The following COL7A1 variants were observed in gnomAD, a reference collection of about 807,000 sequenced individuals.
COL7A1 encodes the protein collagen alpha-1(VII) chain.
Under a neutral mutation model 456.2 loss-of-function variants are expected in COL7A1, and 296 were observed. That is an observed-to-expected ratio of 0.65 (90% confidence interval 0.59 to 0.71). The LOEUF (loss-of-function observed/expected upper bound fraction) is 0.71. COL7A1 is among the 30% of genes least tolerant of loss of function. The pLI is 0.00. For synonymous variants in COL7A1, 1,464 were observed against 1,525.9 expected, an observed-to-expected ratio of 0.96 and a Z score of 0.95; for missense variants, 3,441 against 4,017.2, an observed-to-expected ratio of 0.86 and a Z score of 3.88.
rs2043629759 is a variant in COL7A1, at chr3:48,566,861, G to A, written c.8226+46C>T. 1.9e-6 allele frequency: 3 copies of A among 1,573,332 alleles called. No individual in the cohort carries two copies. The highest frequency in any genetic ancestry group is 2.6e-6 in the Non-Finnish European group (3 of 1,151,952). ...TGGAAGATGGTTATGAGGTTGGAAGGGTAGGGAAGGTTCAGGGATCAGGAG... is the reference window on the plus strand; with the variant it reads ...TGGAAGATGGTTATGAGGTTGGAAGAGTAGGGAAGGTTCAGGGATCAGGAG... On this transcript the variant is annotated intron_variant, in intron 111 of 118. Transcript: ENST00000681320. The surrounding 1 kb of genome is among the most constrained non-coding windows in gnomAD (Gnocchi z 5.9).
rs755340663 is a variant in COL7A1, at chr3:48,595,101, C to T, written c.59G>A (p.Arg20Gln). 4 of 1,553,216 alleles carry T rather than the reference C, an allele frequency of 2.6e-6. No individual in the cohort carries two copies. The highest frequency in any genetic ancestry group is 3.5e-6 in the Non-Finnish European group (4 of 1,148,626). ...LCAGILAEAP[R>Q]VRAQHRERVT... Reference sequence around the variant, plus strand: ...TCTCTCCCTGTGCTGGGCTCGCACTCGGGGCGCCTCTGCCAGGATCCCGGC... The same window carrying T: ...TCTCTCCCTGTGCTGGGCTCGCACTTGGGGCGCCTCTGCCAGGATCCCGGC... Residue 20 changes from arginine to glutamine, a missense_variant, in exon 2 of 119, where the codon CGA becomes CAA. Physicochemically the swap from Arg to Gln is conservative, Grantham distance 43 (BLOSUM62 1). Coordinates refer to ENST00000681320, the MANE Select transcript of COL7A1 (RefSeq NM_000094.4).
chr3:48,567,610 C>T lies in COL7A1; in HGVS notation c.8010G>A (p.Ser2670=), dbSNP rs557077483. ...TCAGGCCCTCCTTGCCAGGGGCCCC[C>T]GACTGGCCCGGCACACCAGGCTCCC... is the stretch of plus-strand genomic sequence containing the variant. ...EMGEPGVPGQ[S]GAPGKEGLIG... The change falls in exon 109 of 119, where the codon TCG becomes TCA. Residue 2670 remains serine (S), a synonymous_variant. Coordinates refer to ENST00000681320, the MANE Select transcript of COL7A1 (RefSeq NM_000094.4). The surrounding 1 kb of genome is among the most constrained non-coding windows in gnomAD (Gnocchi z 4.3). 67 of 1,614,152 alleles carry T rather than the reference C, an allele frequency of 4.2e-5. No homozygotes were observed. Among genetic ancestry groups the T allele is most frequent in the Non-Finnish European group, 5.0e-5 (59 of 1,180,022 alleles).
rs1349423783 is a variant in COL7A1, at chr3:48,572,409, C to T, written c.6949G>A (p.Gly2317Ser). The T allele has an allele frequency of 1.2e-6, 2 of 1,614,146 alleles. No homozygotes were observed. The highest frequency in any genetic ancestry group is 4.5e-5 in the East Asian group (2 of 44,874). Residue 2317 changes from glycine to serine, a missense_variant, in exon 90 of 119, where the codon GGC becomes AGC. Gly to Ser is a moderately conservative substitution (Grantham distance 56). Coordinates refer to ENST00000681320, the MANE Select transcript of COL7A1 (RefSeq NM_000094.4). The surrounding 1 kb of genome is among the most constrained non-coding windows in gnomAD (Gnocchi z 4.6). ...TCACCCACCAGGTCTCCAGCAAGGC[C>T]TCCAGGGGCTCCCTGGTAAGGGGGA... ...GAKGEKGAPG[G>S]LAGDLVGEPG...
rs752668273 is a variant in COL7A1, at chr3:48,595,041, T to C, written c.85+34A>G. 7 of 1,517,562 alleles carry C rather than the reference T, an allele frequency of 4.6e-6. No individual in the cohort carries two copies. The South Asian group carries it at 8.4e-5, about 18-fold the overall frequency. The allele number at this position is 1,517,562 out of a possible 1,614,324, so 94.0% of individuals were successfully genotyped here. A position where few individuals can be genotyped will look rare whatever the true frequency, so the allele number is the denominator to read the frequency against. ...TGGAGCGGAGGGTGGCACGGTGCAGTGCCCCGGGCCGGGTCCTCCCTTGCG... is the reference window on the plus strand; with the variant it reads ...TGGAGCGGAGGGTGGCACGGTGCAGCGCCCCGGGCCGGGTCCTCCCTTGCG... On this transcript the variant is annotated intron_variant, in intron 2 of 118. Transcript: ENST00000681320.
Position 48,565,065 on chromosome 3 carries a change from T to G in COL7A1, c.8620+44A>C, listed in dbSNP as rs2043540522. On this transcript the variant is annotated intron_variant, in intron 117 of 118. Transcript: ENST00000681320. The surrounding 1 kb of genome is among the most constrained non-coding windows in gnomAD (Gnocchi z 4.5). The stretch of plus-strand genomic sequence containing the variant: ...GGGGGAGGTCAGCAGGGCTCAGCCC[T>G]GCCTGCCCCTCCCCAGACCCCGCTG... 3 of 1,586,618 alleles carry G rather than the reference T, an allele frequency of 1.9e-6. No homozygotes were observed. In the East Asian group the frequency reaches 6.8e-5, roughly 36 times the overall value.
At position 48,572,713 on chromosome 3, in the gene COL7A1, G is replaced by C. The variant is rs745766922; in HGVS notation, c.6858C>G (p.Val2286=). The change falls in exon 88 of 119, where the codon GTC becomes GTG. Residue 2286 remains valine (V), a synonymous_variant. Transcript: ENST00000681320. The surrounding 1 kb of genome is among the most constrained non-coding windows in gnomAD (Gnocchi z 4.6). Reference sequence around the variant, plus strand: ...TGGGGCCAGGTTCTCCTTTAGGTCCGACAGGGCCAGGCAGACCTGGTGACC... The same window carrying C: ...TGGGGCCAGGTTCTCCTTTAGGTCCCACAGGGCCAGGCAGACCTGGTGACC... The part of the protein sequence containing the change: ...VPGSPGLPGP[V]GPKGEPGPTG... 6.2e-7 allele frequency: 1 copy of C among 1,608,802 alleles called. No individual in the cohort carries two copies. Among genetic ancestry groups the C allele is most frequent in the Non-Finnish European group, 8.5e-7 (1 of 1,177,566 alleles).
In COL7A1 at chr3:48,565,262, G is replaced by A; in HGVS notation, c.8528-61C>T. 1.9e-6 allele frequency: 3 copies of A among 1,541,160 alleles called. No individual in the cohort carries two copies. In the South Asian group the frequency reaches 3.4e-5, roughly 18 times the overall value. On this transcript the variant is annotated intron_variant, in intron 116 of 118. Transcript: ENST00000681320. This position sits in a 1 kb window ranked among gnomAD's most constrained non-coding sequence, Gnocchi z 4.5. ...TGCTGGCCCCGGGGCAAGGTGGGCAGCACTGATTTCCACTGTGTGCACACA... is the reference window on the plus strand; with the variant it reads ...TGCTGGCCCCGGGGCAAGGTGGGCAACACTGATTTCCACTGTGTGCACACA...
At position 48,568,300 on chromosome 3, in the gene COL7A1, C is replaced by T; in HGVS notation, c.7795-130G>A. 2 of 1,179,676 alleles carry T rather than the reference C, an allele frequency of 1.7e-6. No homozygotes were observed. Among genetic ancestry groups the T allele is most frequent in the Non-Finnish European group, 2.5e-6 (2 of 804,008 alleles). 73.1% of individuals were successfully genotyped at this position (1,179,676 alleles called of 1,614,324 possible). ...TGGAGGCCAGAGCCACTGGGGCTTG[C>T]CATGGGGACAAGGGTCACCATAGGC... is the stretch of plus-strand genomic sequence containing the variant. On this transcript the variant is annotated intron_variant, in intron 105 of 118. Coordinates refer to ENST00000681320, the MANE Select transcript of COL7A1 (RefSeq NM_000094.4). The surrounding 1 kb of genome is among the most constrained non-coding windows in gnomAD (Gnocchi z 5.2).
At chr3:48,589,829 G>T (rs1559430269) in intron 16 of COL7A1, 111 bp from the exon 17 acceptor site, 1 of 1,496,826 alleles carries the variant, frequency 6.7e-7, no homozygotes. Flanking sequence ...TGATAGAGGA[G>T]ATGGTGAATA....
At position 48,574,439 on chromosome 3, in the gene COL7A1, T is replaced by C; in HGVS notation, c.6456+49A>G. 1.2e-6 allele frequency: 2 copies of C among 1,613,740 alleles called. No individual in the cohort carries two copies. Among genetic ancestry groups the C allele is most frequent in the Non-Finnish European group, 8.5e-7 (1 of 1,179,756 alleles). ...CCAGCCCTGCACACAGGACAATACA[T>C]GTGAGAGCCACCTTCTTGCACATGT... On this transcript the variant is annotated intron_variant, in intron 79 of 118. Coordinates refer to ENST00000681320, the MANE Select transcript of COL7A1 (RefSeq NM_000094.4). This position sits in a 1 kb window ranked among gnomAD's most constrained non-coding sequence, Gnocchi z 5.0.
intron 65 of COL7A1, 145 bp from the exon 66 acceptor site, chr3:48,577,172 C>T (rs1269745801): frequency 3.5e-6 from 4 of 1,158,024 alleles, no homozygotes; most frequent in African/African-American, 1.5e-5. Flanking sequence ...GGCCTGTGGC[C>T]GTCTGAGTGA....
rs147911102 is a variant in COL7A1 at position 48,564,917 on chromosome 3, C to G, written c.8684G>C (p.Arg2895Pro). The part of the protein sequence containing the change: ...CTAYTLRWYH[R>P]AVTGSTEACH... ...GGCCTCTGTGCTGCCTGTCACAGCC[C>G]GATGGTACCAGCGCAGGGTGTAGGC... The change falls in exon 118 of 119, where the codon CGG becomes CCG. Residue 2895 changes from arginine (R) to proline (P), a missense_variant. Coordinates refer to ENST00000681320, the MANE Select transcript of COL7A1 (RefSeq NM_000094.4). The surrounding 1 kb of genome is among the most constrained non-coding windows in gnomAD (Gnocchi z 6.0). 2 of 1,614,192 alleles carry G rather than the reference C, an allele frequency of 1.2e-6. No homozygotes were observed. The highest frequency in any genetic ancestry group is 1.7e-6 in the Non-Finnish European group (2 of 1,180,032).
At position 48,587,420 on chromosome 3, in the gene COL7A1, C is replaced by T. The variant is rs376268606; in HGVS notation, c.2992G>A (p.Glu998Lys). The change falls in exon 23 of 119, where the codon GAA becomes AAA. Residue 998 changes from glutamate to lysine, a missense_variant and splice_region_variant. This residue lies in a region of COL7A1 where 444 missense variants were observed against 427.6 expected (regional missense o/e 1.04). Coordinates refer to ENST00000681320, the MANE Select transcript of COL7A1 (RefSeq NM_000094.4). This position sits in a 1 kb window ranked among gnomAD's most constrained non-coding sequence, Gnocchi z 6.1. Reference protein sequence around the residue: ...SWRPLRGPGQEVPGSPQTLPG... With the variant: ...SWRPLRGPGQKVPGSPQTLPG... ...ACCCAAATCCTGGCCTCCCCCTCAC[C>T]CTGGCCAGGGCCTCTGAGTGGCCGC... The T allele has an allele frequency of 6.2e-7, 1 of 1,613,252 alleles. No homozygotes were observed. The highest frequency in any genetic ancestry group is 1.1e-5 in the South Asian group (1 of 91,086).
Position 48,585,179 on chromosome 3 carries a change from G to A in COL7A1, c.3895-63C>T. The A allele has an allele frequency of 6.5e-7, 1 of 1,545,152 alleles. No homozygotes were observed. The highest frequency in any genetic ancestry group is 8.9e-7 in the Non-Finnish European group (1 of 1,129,940). On this transcript the variant is annotated intron_variant, in intron 32 of 118. Transcript: ENST00000681320. The surrounding 1 kb of genome is among the most constrained non-coding windows in gnomAD (Gnocchi z 4.5). ...CCCCCAAGGCCCCTGGTTTGCTGGA[G>A]GGGCCTCACCCCATCAACAAGGGGT...
chr3:48,574,019 C>A lies in COL7A1; in HGVS notation c.6502-129G>T. 1 of 1,248,266 alleles carries A rather than the reference C, an allele frequency of 8.0e-7. No individual in the cohort carries two copies. The highest frequency in any genetic ancestry group is 1.5e-5 in the African/African-American group (1 of 67,042). The allele number at this position is 1,248,266 out of a possible 1,614,324, so 77.3% of individuals were successfully genotyped here. On this transcript the variant is annotated intron_variant, in intron 80 of 118. Coordinates refer to ENST00000681320, the MANE Select transcript of COL7A1 (RefSeq NM_000094.4). The surrounding 1 kb of genome is among the most constrained non-coding windows in gnomAD (Gnocchi z 5.0). ...TTTCCAGTCACAGATAATACCTACCCATGGACTGCCTCTCATAGATAGCAC... is the reference window on the plus strand; with the variant it reads ...TTTCCAGTCACAGATAATACCTACCAATGGACTGCCTCTCATAGATAGCAC...
At position 48,579,765 on chromosome 3, in the gene COL7A1, C is replaced by T; in HGVS notation, c.5154+20G>A. 6.2e-7 allele frequency: 1 copy of T among 1,614,076 alleles called. No homozygotes were observed. Among genetic ancestry groups the T allele is most frequent in the Non-Finnish European group, 8.5e-7 (1 of 1,180,026 alleles). On this transcript the variant is annotated intron_variant, in intron 58 of 118. Transcript: ENST00000681320. This position sits in a 1 kb window ranked among gnomAD's most constrained non-coding sequence, Gnocchi z 4.4. ...GGGGCACTGGGGTCTTTCTTACCCT[C>T]CACCCACAGACCCTAATACCTTCTC...
rs747313983 is a variant in COL7A1, at chr3:48,573,735, C to G, written c.6538-10G>C. ...GGTCTCCATGACCACCCTGTTGTGG[C>G]GAAAAAGAGTCTGATGAGGGGGAGT... On this transcript the variant is annotated splice_polypyrimidine_tract_variant and intron_variant, in intron 81 of 118. Transcript: ENST00000681320. This position sits in a 1 kb window ranked among gnomAD's most constrained non-coding sequence, Gnocchi z 5.5. 8.1e-6 allele frequency: 13 copies of G among 1,613,276 alleles called. No individual in the cohort carries two copies. The Admixed American group carries it at 2.0e-4, about 25-fold the overall frequency.
Position 48,567,579 on chromosome 3 carries a change from G to T in COL7A1, c.8041C>A (p.Pro2681Thr), listed in dbSNP as rs139416346. 1.2e-5 allele frequency: 20 copies of T among 1,614,122 alleles called. No individual in the cohort carries two copies. The African/African-American group carries it at 2.0e-4, about 16-fold the overall frequency. ...ACTGTCCACAGACCCTGTACCTTGGGACCGATCAGGCCCTCCTTGCCAGGG... is the reference window on the plus strand; with the variant it reads ...ACTGTCCACAGACCCTGTACCTTGGTACCGATCAGGCCCTCCTTGCCAGGG... ...GAPGKEGLIG[P>T]KGDRGFDGQP... The change falls in exon 109 of 119, where the codon CCC (proline) becomes ACC (threonine). Residue 2681 changes from proline (P) to threonine (T), a missense_variant. Transcript: ENST00000681320. The surrounding 1 kb of genome is among the most constrained non-coding windows in gnomAD (Gnocchi z 4.3).
At position 48,592,401 on chromosome 3, in the gene COL7A1, C is replaced by T. The variant is rs200570283; in HGVS notation, c.1043G>A (p.Arg348Gln). The change falls in exon 9 of 119, where the codon CGG becomes CAG. Residue 348 changes from arginine (R) to glutamine (Q), a missense_variant. By Grantham distance (43) the Arg-to-Gln change is conservative. Around this residue, in one of 3 missense-constraint regions of COL7A1, gnomAD observed 913 missense variants for 1,088.2 expected, o/e 0.84. Coordinates refer to ENST00000681320, the MANE Select transcript of COL7A1 (RefSeq NM_000094.4). This position sits in a 1 kb window ranked among gnomAD's most constrained non-coding sequence, Gnocchi z 7.6. ...TTAHSLLVAWRSVPGATGYRV... is the reference protein window; with the variant it reads ...TTAHSLLVAWQSVPGATGYRV... ...GTAGCCAGTGGCACCTGGCACACTC[C>T]GCCAGGCCACCAGGAGGCTGTGGGC... 4.5e-5 allele frequency: 73 copies of T among 1,613,796 alleles called. 1 individual carries two copies. The African/African-American group carries it at 6.3e-4, about 14-fold the overall frequency.
Sources: gnomAD v4.1 joint callset for allele counts on GRCh38, gnomAD v4.1.1 for gene constraint, gnomAD v4.1.1 regional missense constraint, Gnocchi (gnomAD v3.1) non-coding constraint, MANE v1.5 for transcripts, NCBI Gene and HGNC (gene_info 2026-07-23, HGNC 2026-07-21) for gene names.